Variants in MCTP1 observed in about 807,000 individuals in gnomAD.
The protein encoded by MCTP1 is multiple C2 and transmembrane domain-containing protein 1.
A neutral mutation model predicts 120.6 loss-of-function variants in MCTP1; 69 were observed. That is an observed-to-expected ratio of 0.57 (90% CI 0.47 to 0.70). MCTP1 has a LOEUF of 0.70. Among genes scored for constraint, MCTP1 ranks in the 30% least tolerant of loss-of-function variants. MCTP1 has a pLI of 0.00. For synonymous variants in MCTP1, 529 were observed against 493.1 expected (o/e 1.07, Z -0.96); for missense variants, 1,203 against 1,248.8 (o/e 0.96, Z 0.55).
At position 94,708,516 on chromosome 5, in the gene MCTP1, TG is replaced by T; in HGVS notation, c.2923del (p.Gln975LysfsTer8). The T allele has an allele frequency of 6.3e-7, 1 of 1,582,864 alleles. No homozygotes were observed. The highest frequency in any genetic ancestry group is 8.7e-7 in the Non-Finnish European group (1 of 1,152,420). Reference sequence around the variant, plus strand: ...ATAATAACGAAACCTACATACCACTTGTACATCTGAAGGGACTCTGGAAAGG... The same window carrying T: ...ATAATAACGAAACCTACATACCACTTTACATCTGAAGGGACTCTGGAAAGG... ...DFLSRVPSDV[Q>X]VVQYQELKPD... On this transcript the variant is annotated frameshift_variant, in exon 22 of 23. Transcript: ENST00000515393. LOFTEE classifies it high-confidence loss of function.
intron 18 of MCTP1, among the ~76,000 whole-genome samples, chr5:94,795,616 T>C (rs574024199): frequency 1.3e-5 from 2 of 152,338 alleles, no homozygotes; most frequent in South Asian, 4.1e-4. Context: ...CAGGGACATT[T>C]CTGAATGAAG....
intron 1 of MCTP1, among the ~76,000 whole-genome samples, chr5:95,215,331 T>C (rs1037075509): frequency 5.3e-5 from 8 of 152,348 alleles, no homozygotes; most frequent in Admixed American, 5.2e-4. Flanking sequence ...ATTTGAAAAT[T>C]ATTTAAGAGG....
chr5:95,011,938 G>C (rs1199255966), intron 2 of MCTP1, among the ~76,000 whole-genome samples: 6 of 152,100 alleles, frequency 3.9e-5, no homozygotes, highest in Non-Finnish European at 7.4e-5. Flanking sequence ...CTGCAAAAAT[G>C]ATCCAGGCTC....
At chr5:95,271,167 C>A (rs913933244) in intron 1 of MCTP1, among the ~76,000 whole-genome samples, 1 of 152,094 alleles carries the variant, frequency 6.6e-6, no homozygotes, top group Non-Finnish European at 1.5e-5. Flanking sequence ...TTTGTAAATA[C>A]ACCATTCAGG....
chr5:94,799,395 G>A (rs564048433), intron 17 of MCTP1, among the ~76,000 whole-genome samples: 2 of 152,220 alleles, frequency 1.3e-5, no homozygotes, highest in South Asian at 4.1e-4. Context: ...CGAAATTTGA[G>A]TTTTTCTCCT....
At chr5:94,819,103 ATTT>A (rs1450887645) in intron 17 of MCTP1, among the ~76,000 whole-genome samples, 3 of 135,910 alleles carry the variant, frequency 2.2e-5, no homozygotes, top group Non-Finnish European at 4.9e-5. Flanking sequence ...TTATTTATTT[ATTT>A]ATTTATTTAT....
At chr5:95,002,639 G>A (rs913968806) in intron 2 of MCTP1, among the ~76,000 whole-genome samples, 5 of 152,188 alleles carry the variant, frequency 3.3e-5, no homozygotes, top group Admixed American at 6.5e-5. Context: ...CATTTGGAAC[G>A]GGAGTATTTC....
intron 1 of MCTP1, among the ~76,000 whole-genome samples, chr5:95,082,309 G>T (rs1315667170): frequency 6.6e-6 from 1 of 152,108 alleles, no homozygotes; most frequent in Non-Finnish European, 1.5e-5. Flanking sequence ...AGTAAATGTG[G>T]CAATTTTACA....
At chr5:94,800,824 A>G (rs11948095) in intron 17 of MCTP1, among the ~76,000 whole-genome samples, 172 of 152,260 alleles carry the variant, frequency 1.1e-3, no homozygotes, top group African/African-American at 2.9e-3. Context: ...ACAGAATTAC[A>G]TAGTAACTAT....
At chr5:94,830,231 G>A (rs886785630) in intron 17 of MCTP1, among the ~76,000 whole-genome samples, 1 of 152,164 alleles carries the variant, frequency 6.6e-6, no homozygotes, top group Non-Finnish European at 1.5e-5. Flanking sequence ...TCTTCCACAG[G>A]TAGGAGAAAG....
chr5:95,178,537 G>C (rs549450075), intron 1 of MCTP1, among the ~76,000 whole-genome samples: 1 of 152,272 alleles, frequency 6.6e-6, no homozygotes, highest in South Asian at 2.1e-4. Flanking sequence ...CTCAGAGCCT[G>C]GTAGGCTCTG....
intron 1 of MCTP1, among the ~76,000 whole-genome samples, chr5:95,050,601 C>T (rs1201783785): frequency 6.6e-6 from 1 of 152,222 alleles, no homozygotes; most frequent in African/African-American, 2.4e-5. Flanking sequence ...TCTCATTACT[C>T]TGGCCCAAGC....
At chr5:94,975,862 T>A (rs1827977676) in intron 2 of MCTP1, among the ~76,000 whole-genome samples, 1 of 152,096 alleles carries the variant, frequency 6.6e-6, no homozygotes. Context: ...TTTCTTACAC[T>A]CCCAAACATT....
intron 1 of MCTP1, among the ~76,000 whole-genome samples, chr5:95,218,243 AG>A (rs1753259524): frequency 6.6e-6 from 1 of 152,274 alleles, no homozygotes; most frequent in African/African-American, 2.4e-5. Flanking sequence ...ATAGGTTACA[AG>A]GAAGAAAAGA....
rs777799683 is a variant in MCTP1, at chr5:94,940,176, T to C, written c.1081A>G (p.Thr361Ala). 6.2e-7 allele frequency: 1 copy of C among 1,603,660 alleles called. No individual in the cohort carries two copies. The highest frequency in any genetic ancestry group is 2.2e-5 in the East Asian group (1 of 44,698). The change falls in exon 5 of 23, where the codon ACT (threonine) becomes GCT (alanine). Residue 361 changes from threonine to alanine, a missense_variant. Transcript: ENST00000515393. ...TCAGGATAATGAGGATCTTTCAGAG[T>C]AAGGGTCACATCTGTGGGCCTGTGA... The part of the protein sequence containing the change: ...ELNRPTDVTL[T>A]LKDPHYPDHD...
At chr5:95,115,667 G>T (rs1199170641) in intron 1 of MCTP1, among the ~76,000 whole-genome samples, 1 of 152,046 alleles carries the variant, frequency 6.6e-6, no homozygotes, top group African/African-American at 2.4e-5. Flanking sequence ...AAATCTAAGA[G>T]TTATTGGCCT....
In MCTP1 at chr5:94,870,948, T is replaced by C; in HGVS notation, c.2165A>G (p.Tyr722Cys). 1.2e-6 allele frequency: 2 copies of C among 1,613,142 alleles called. No homozygotes were observed. Among genetic ancestry groups the C allele is most frequent in the Non-Finnish European group, 1.7e-6 (2 of 1,179,418 alleles). ...LSIQNGEQKA[Y>C]VLKNKQLTGP... ...TGTCAGCTGCTTGTTTTTCAAGACGTAGGCTTTCTGTTCACCATTTTGAAT... is the reference window on the plus strand; with the variant it reads ...TGTCAGCTGCTTGTTTTTCAAGACGCAGGCTTTCTGTTCACCATTTTGAAT... Residue 722 changes from tyrosine (Y) to cysteine (C), a missense_variant, in exon 15 of 23, where the codon TAC becomes TGC. Transcript: ENST00000515393.
At chr5:94,920,708 C>G (rs987716621) in intron 7 of MCTP1, among the ~76,000 whole-genome samples, 2 of 151,360 alleles carry the variant, frequency 1.3e-5, no homozygotes, top group South Asian at 2.1e-4. Flanking sequence ...CGCCACTGCA[C>G]TCCAGCCCGG....
At chr5:94,826,182 C>A in intron 17 of MCTP1, 1 of 392,670 alleles carries the variant, frequency 2.5e-6, no homozygotes, top group Non-Finnish European at 4.9e-6. Flanking sequence ...GCAATCAAAG[C>A]ATTATCTGTC....
Sources: allele counts gnomAD v4.1 joint callset (sites outside exome capture counted in the v4.1 genomes callset), GRCh38; gene constraint gnomAD v4.1.1; transcripts MANE v1.5; gene names NCBI Gene and HGNC (gene_info 2026-07-23, HGNC 2026-07-21).